SMYD3: variants seen among roughly 807,000 people sequenced by gnomAD.
SMYD3 encodes histone-lysine N-methyltransferase SMYD3.
SMYD3 carries 36 observed loss-of-function variants against 57.7 expected under a neutral mutation model. The ratio of observed to expected loss-of-function variants is 0.62; its 90% CI spans 0.48 to 0.82. SMYD3 has a LOEUF of 0.82. Ranked by LOEUF, SMYD3 falls within the 40% of genes least tolerant of loss-of-function variation. The pLI is 0.00. For synonymous variants in SMYD3, 211 were observed against 195.0 expected (o/e 1.08, Z -0.68); for missense variants, 515 against 538.8 (o/e 0.96, Z 0.44).
chr1:246,092,308 C>T (rs1333337856), intron 5 of SMYD3, among the ~76,000 whole-genome samples: 2 of 152,072 alleles, frequency 1.3e-5, no homozygotes, highest in Non-Finnish European at 2.9e-5. Flanking sequence ...TACCCAAGAC[C>T]CATCAGAAAA....
At chr1:246,221,951 T>C (rs1315745365) in intron 5 of SMYD3, among the ~76,000 whole-genome samples, 1 of 152,194 alleles carries the variant, frequency 6.6e-6, no homozygotes, top group East Asian at 1.9e-4. Context: ...GTATGACTTA[T>C]ATCCTGTTAT....
intron 1 of SMYD3, among the ~76,000 whole-genome samples, chr1:246,461,201 C>T (rs973369257): frequency 4.6e-5 from 7 of 152,148 alleles, no homozygotes; most frequent in Admixed American, 3.3e-4. Flanking sequence ...TTAATTCAAG[C>T]ATGTTTATTC....
chr1:246,362,602 A>AGG (rs894423228), intron 1 of SMYD3, among the ~76,000 whole-genome samples: 28 of 152,300 alleles, frequency 1.8e-4, no homozygotes, highest in East Asian at 1.7e-3. Flanking sequence ...CTGCGATTGC[A>AGG]GGCGCGCACC....
intron 5 of SMYD3, among the ~76,000 whole-genome samples, chr1:245,973,588 G>A (rs1423745459): frequency 6.6e-6 from 1 of 152,204 alleles, no homozygotes; most frequent in Non-Finnish European, 1.5e-5. Context: ...TTGTGAGGCT[G>A]CACGAGAGAG....
chr1:246,495,643 A>C (rs2068348918), intron 1 of SMYD3, among the ~76,000 whole-genome samples: 1 of 152,146 alleles, frequency 6.6e-6, no homozygotes, highest in Non-Finnish European at 1.5e-5. Context: ...TTTACATATT[A>C]CAAATATACA....
At chr1:246,112,329 T>C (rs952987990) in intron 5 of SMYD3, among the ~76,000 whole-genome samples, 9 of 152,192 alleles carry the variant, frequency 5.9e-5, no homozygotes, top group Non-Finnish European at 1.2e-4. Context: ...CCACTGACAG[T>C]TAATGAAAAA....
rs2045237398 is a variant in SMYD3 at position 245,749,434 on chromosome 1, T to C, written c.*129A>G. 1.6e-6 allele frequency: 1 copy of C among 641,360 alleles called. No individual in the cohort carries two copies. The highest frequency in any genetic ancestry group is 1.8e-5 in the African/African-American group (1 of 54,950). 39.7% of individuals were successfully genotyped at this position (641,360 alleles called of 1,614,324 possible). A position where few individuals can be genotyped will look rare whatever the true frequency, so the allele number is the denominator to read the frequency against. Reference sequence around the variant, plus strand: ...GTTTGCAAACCATGTCTGCCTTTATTTACCTACACAAACACGGAACAGAAT... The same window carrying C: ...GTTTGCAAACCATGTCTGCCTTTATCTACCTACACAAACACGGAACAGAAT... On this transcript the variant is annotated 3_prime_UTR_variant, in exon 12 of 12. Transcript: ENST00000490107.
chr1:246,324,231 G>A (rs761082398), intron 5 of SMYD3, among the ~76,000 whole-genome samples: 2 of 151,982 alleles, frequency 1.3e-5, no homozygotes, highest in African/African-American at 4.8e-5. Context: ...CCTGGCCAAC[G>A]TGGTGCAACG....
At chr1:245,764,632 T>C (rs946215710) in intron 10 of SMYD3, among the ~76,000 whole-genome samples, 5 of 152,064 alleles carry the variant, frequency 3.3e-5, no homozygotes, top group African/African-American at 1.2e-4. Flanking sequence ...GCAAAGCCCT[T>C]TGATTGAATC....
rs1471840250 is a variant in SMYD3 at position 246,312,071 on chromosome 1, G to A, written c.531+15130C>T. On this transcript the variant is annotated intron_variant, in intron 5 of 11. Coordinates refer to ENST00000490107, the MANE Select transcript of SMYD3 (RefSeq NM_001167740.2). ...AAAAGCATACACTCACTGAATCTCCGCAATCTACTTGTCACTACACCAGGT... is the reference window on the plus strand; with the variant it reads ...AAAAGCATACACTCACTGAATCTCCACAATCTACTTGTCACTACACCAGGT... Among the ~76,000 whole-genome samples the A allele has an allele frequency of 2.6e-5, 4 of 152,102 alleles. No individual in the cohort carries two copies. The East Asian group carries it at 7.7e-4, about 29-fold the overall frequency.
intron 5 of SMYD3, among the ~76,000 whole-genome samples, chr1:246,124,103 TAA>T (rs2061468294): frequency 1.3e-5 from 2 of 152,246 alleles, no homozygotes; most frequent in Admixed American, 1.3e-4. Flanking sequence ...ACAAAGTCAA[TAA>T]GTGTTGAATT....
chr1:246,297,389 G>A (rs561975706), intron 5 of SMYD3, among the ~76,000 whole-genome samples: 2 of 152,232 alleles, frequency 1.3e-5, no homozygotes, highest in African/African-American at 2.4e-5. Flanking sequence ...AACTAGTTAC[G>A]TGAGTGAATT....
intron 5 of SMYD3, among the ~76,000 whole-genome samples, chr1:246,236,499 C>G (rs2063514532): frequency 6.6e-6 from 1 of 152,158 alleles, no homozygotes; most frequent in African/African-American, 2.4e-5. Flanking sequence ...ACTGCAAGCT[C>G]TGCCTCCTGG....
At chr1:245,992,401 G>T (rs909379951) in intron 5 of SMYD3, among the ~76,000 whole-genome samples, 3 of 152,264 alleles carry the variant, frequency 2.0e-5, no homozygotes, top group Non-Finnish European at 4.4e-5. Context: ...AGGAATCATT[G>T]GGATCAGGTT....
At chr1:246,477,679 G>A (rs2068045890) in intron 1 of SMYD3, among the ~76,000 whole-genome samples, 1 of 152,106 alleles carries the variant, frequency 6.6e-6, no homozygotes, top group Non-Finnish European at 1.5e-5. Flanking sequence ...TAAAGCTCAT[G>A]GAATTTACAC....
At chr1:245,802,677 A>T (rs1477009569) in intron 10 of SMYD3, among the ~76,000 whole-genome samples, 1 of 152,136 alleles carries the variant, frequency 6.6e-6, no homozygotes, top group Non-Finnish European at 1.5e-5. Context: ...ATGTTCCCTC[A>T]TGGTGCCTGT....
intron 5 of SMYD3, among the ~76,000 whole-genome samples, chr1:246,240,008 A>G (rs538460374): frequency 1.5e-4 from 23 of 152,256 alleles, no homozygotes; most frequent in Admixed American, 5.9e-4. Flanking sequence ...TCAGATGAGT[A>G]GATTGTAAAA....
intron 5 of SMYD3, among the ~76,000 whole-genome samples, chr1:246,026,650 G>A (rs1446801341): frequency 6.6e-6 from 1 of 152,184 alleles, no homozygotes; most frequent in Non-Finnish European, 1.5e-5. Flanking sequence ...GTGCCCATAT[G>A]AGACAGTTAA....
At chr1:245,771,095 CAT>C (rs2046316068) in intron 10 of SMYD3, among the ~76,000 whole-genome samples, 1 of 151,856 alleles carries the variant, frequency 6.6e-6, no homozygotes, top group Non-Finnish European at 1.5e-5. Flanking sequence ...TATATACCCA[CAT>C]ATATACATAC....
Sources: gnomAD v4.1 joint callset for allele counts (sites outside exome capture counted in the v4.1 genomes callset) on GRCh38, gnomAD v4.1.1 for gene constraint, MANE v1.5 for transcripts, NCBI Gene and HGNC (gene_info 2026-07-23, HGNC 2026-07-21) for gene names.